STT3B: variants seen among roughly 807,000 people sequenced by gnomAD.
The protein encoded by STT3B is dolichyl-diphosphooligosaccharide--protein glycosyltransferase subunit STT3B.
Under a neutral mutation model 96.8 loss-of-function variants are expected in STT3B, and 29 were observed. The observed-to-expected ratio is 0.30, with a 90% confidence interval of 0.22 to 0.41. STT3B has a LOEUF of 0.41. STT3B is among the 10% of genes least tolerant of loss of function. The pLI, the probability that STT3B is intolerant of heterozygous loss-of-function variation, is 1.00. For missense variants in STT3B, 640 were observed against 1,022.3 expected (o/e 0.63, Z 5.10); for synonymous variants, 367 against 360.0 (o/e 1.02, Z -0.22).
chr3:31,601,818 C>G (rs1053313003), intron 5 of STT3B, among the ~76,000 whole-genome samples: 1 of 152,114 alleles, frequency 6.6e-6, no homozygotes, highest in African/African-American at 2.4e-5. Flanking sequence ...ACATTTATAG[C>G]CATTTCAGCA....
chr3:31,582,250 A>G (rs558375020), intron 3 of STT3B, among the ~76,000 whole-genome samples: 12 of 147,944 alleles, frequency 8.1e-5, no homozygotes, highest in Admixed American at 4.7e-4. Context: ...TATTTATTCA[A>G]TTTTGTCTTT....
intron 3 of STT3B, among the ~76,000 whole-genome samples, chr3:31,594,285 T>G (rs984191582): frequency 6.6e-6 from 1 of 152,074 alleles, no homozygotes; most frequent in Non-Finnish European, 1.5e-5. Context: ...TCTGACACTG[T>G]CTGTCTGGAG....
rs190312492 is a variant in STT3B, at chr3:31,552,396, A to G, written c.314+19084A>G. On this transcript the variant is annotated intron_variant, in intron 1 of 15. Transcript: ENST00000295770. ...AGACTTGAACCAGTAAGAATGACCA[A>G]TGCTGTCAAGGAACATGATACAATG... Among the ~76,000 whole-genome samples the G allele has an allele frequency of 2.2e-4, 33 of 152,332 alleles. No homozygotes were observed. The East Asian group carries it at 3.7e-3, about 17-fold the overall frequency.
chr3:31,624,209 G>A (rs1042273935), intron 11 of STT3B, among the ~76,000 whole-genome samples: 5 of 152,050 alleles, frequency 3.3e-5, no homozygotes, highest in South Asian at 2.1e-4. Context: ...GTTCGTACCC[G>A]TTAACCATCC....
At chr3:31,548,511 A>G (rs1030207127) in intron 1 of STT3B, among the ~76,000 whole-genome samples, 11 of 152,196 alleles carry the variant, frequency 7.2e-5, no homozygotes, top group African/African-American at 2.4e-4. Context: ...CAAACATGCT[A>G]TTCTCTGAGG....
At chr3:31,537,196 A>T (rs770760115) in intron 1 of STT3B, among the ~76,000 whole-genome samples, 1 of 152,234 alleles carries the variant, frequency 6.6e-6, no homozygotes, top group Admixed American at 6.5e-5. Flanking sequence ...ATTAGTACAG[A>T]TGTGTTTTCA....
At chr3:31,539,372 A>C (rs1428931901) in intron 1 of STT3B, among the ~76,000 whole-genome samples, 1 of 152,170 alleles carries the variant, frequency 6.6e-6, no homozygotes, top group African/African-American at 2.4e-5. Flanking sequence ...TTTACAATCC[A>C]GTGACATCTT....
intron 1 of STT3B, among the ~76,000 whole-genome samples, chr3:31,534,852 A>T (rs762566369): frequency 1.3e-5 from 2 of 152,208 alleles, no homozygotes; most frequent in Non-Finnish European, 2.9e-5. Context: ...GCAATCACAG[A>T]AGAAAATATG....
At chr3:31,577,614 G>T (rs1172154742) in intron 2 of STT3B, among the ~76,000 whole-genome samples, 1 of 152,032 alleles carries the variant, frequency 6.6e-6, no homozygotes, top group Non-Finnish European at 1.5e-5. Flanking sequence ...TTTTATAAAT[G>T]TTCCCTTTGT....
chr3:31,623,841 G>A lies in STT3B; in HGVS notation c.1707G>A (p.Leu569=). Residue 569 remains leucine (L), a synonymous_variant, in exon 11 of 16, where the codon CTG becomes CTA. Coordinates refer to ENST00000295770, the MANE Select transcript of STT3B (RefSeq NM_178862.3). ...CCTACTCTAGTCCAAGTGTAGTCCT[G>A]GCCTCATACAATCATGATGGGTAAG... ...SNAYSSPSVV[L]ASYNHDGTRN... is the part of the protein sequence containing the mutation. 3.1e-6 allele frequency: 5 copies of A among 1,607,356 alleles called. No individual in the cohort carries two copies. The highest frequency in any genetic ancestry group is 4.3e-6 in the Non-Finnish European group (5 of 1,176,102).
chr3:31,601,524 T>C (rs796717918), intron 5 of STT3B, among the ~76,000 whole-genome samples: 5 of 151,958 alleles, frequency 3.3e-5, no homozygotes, highest in African/African-American at 1.2e-4. Flanking sequence ...GAAAGTAGAG[T>C]TTGTGGGAAA....
Position 31,636,295 on chromosome 3 carries a change from C to G in STT3B, c.*231C>G. 2.8e-6 allele frequency: 1 copy of G among 359,880 alleles called. No homozygotes were observed. Among genetic ancestry groups the G allele is most frequent in the Non-Finnish European group, 5.1e-6 (1 of 195,998 alleles). The allele number at this position is 359,880 out of a possible 1,614,324, so 22.3% of individuals were successfully genotyped here. A position where few individuals can be genotyped will look rare whatever the true frequency, so the allele number is the denominator to read the frequency against. On this transcript the variant is annotated 3_prime_UTR_variant, in exon 16 of 16. Transcript: ENST00000295770. The stretch of plus-strand genomic sequence containing the variant: ...ACAGAGCACTGCTGTAAATGTCTAG[C>G]AGCAGATTTTTTTTTTATTGGTACA...
chr3:31,584,003 C>G (rs1698478067), intron 3 of STT3B, among the ~76,000 whole-genome samples: 1 of 152,100 alleles, frequency 6.6e-6, no homozygotes, highest in Non-Finnish European at 1.5e-5. Flanking sequence ...CTAATTGAAG[C>G]TCATGAAGAC....
At chr3:31,547,877 A>G (rs564250997) in intron 1 of STT3B, among the ~76,000 whole-genome samples, 87 of 152,358 alleles carry the variant, frequency 5.7e-4, no homozygotes, top group Non-Finnish European at 9.7e-4. Context: ...GCACCTCAGC[A>G]TATCTCTGCA....
At chr3:31,537,844 A>C (rs1697141059) in intron 1 of STT3B, among the ~76,000 whole-genome samples, 1 of 152,178 alleles carries the variant, frequency 6.6e-6, no homozygotes, top group South Asian at 2.1e-4. Context: ...AGTGTTTGAG[A>C]AAATGTTAAC....
chr3:31,598,356 T>G (rs1221447528), intron 4 of STT3B, among the ~76,000 whole-genome samples: 1 of 152,238 alleles, frequency 6.6e-6, no homozygotes, highest in Non-Finnish European at 1.5e-5. Flanking sequence ...AATCTGAGTT[T>G]TTAAACAGTC....
chr3:31,555,836 A>G (rs1041617023), intron 1 of STT3B, among the ~76,000 whole-genome samples: 4 of 152,164 alleles, frequency 2.6e-5, no homozygotes, highest in Non-Finnish European at 5.9e-5. Context: ...AGAATGTGTA[A>G]TGATCCAGTC....
chr3:31,568,276 G>A (rs992005820), intron 1 of STT3B, among the ~76,000 whole-genome samples: 5 of 152,102 alleles, frequency 3.3e-5, no homozygotes, highest in Non-Finnish European at 7.4e-5. Context: ...TAGACACTTA[G>A]GTTGCTTCCA....
chr3:31,544,614 G>A (rs780266263), intron 1 of STT3B, among the ~76,000 whole-genome samples: 2 of 152,154 alleles, frequency 1.3e-5, no homozygotes, highest in African/African-American at 2.4e-5. Context: ...TTGTCCATCA[G>A]TGTGCCTTTA....
Sources: gnomAD v4.1 joint callset for allele counts (sites outside exome capture counted in the v4.1 genomes callset) on GRCh38, gnomAD v4.1.1 for gene constraint, MANE v1.5 for transcripts, NCBI Gene and HGNC (gene_info 2026-07-23, HGNC 2026-07-21) for gene names.